The following PLA2G12B variants were observed in gnomAD, a reference collection of about 807,000 sequenced individuals.
PLA2G12B encodes group XIIB secretory phospholipase A2-like protein.
A neutral mutation model predicts 22.3 loss-of-function variants in PLA2G12B; 19 were observed. The observed-to-expected ratio is 0.85, with a 90% confidence interval of 0.60 to 1.25. PLA2G12B has a LOEUF of 1.25. PLA2G12B is among the 50% of genes most tolerant of loss of function. PLA2G12B has a pLI of 0.00. For synonymous variants in PLA2G12B, 81 were observed against 94.9 expected, an observed-to-expected ratio of 0.85 and a Z score of 0.85; for missense variants, 191 against 246.6, an observed-to-expected ratio of 0.77 and a Z score of 1.51.
chr10:72,939,921 G>T (rs1025226329), intron 3 of PLA2G12B, among the ~76,000 whole-genome samples: 1 of 152,224 alleles, frequency 6.6e-6, no homozygotes, highest in African/African-American at 2.4e-5. Context: ...TCCCAATGGT[G>T]ACTATCAATT....
In PLA2G12B at chr10:72,935,342, T is replaced by C. The variant is rs1328243175; in HGVS notation, c.*275A>G. The C allele has an allele frequency of 3.2e-6, 1 of 312,592 alleles. No individual in the cohort carries two copies. The highest frequency in any genetic ancestry group is 5.8e-6 in the Non-Finnish European group (1 of 171,234). The allele number at this position is 312,592 out of a possible 1,614,324, so 19.4% of individuals were successfully genotyped here. On this transcript the variant is annotated 3_prime_UTR_variant, in exon 4 of 4. Transcript: ENST00000373032. ...ATTGCAGGGTTTGCTTGCATTTTAG[T>C]CTTTAAGCTAAGAACTGAATTTCCA...
At chr10:72,940,595 C>T (rs770314303) in intron 3 of PLA2G12B, among the ~76,000 whole-genome samples, 6 of 152,012 alleles carry the variant, frequency 3.9e-5, no homozygotes, top group Admixed American at 6.6e-5. Flanking sequence ...TCGCTTGAAC[C>T]CGGAAAGCAG....
intron 1 of PLA2G12B, 28 bp downstream of exon 1, chr10:72,954,447 T>G: frequency 6.2e-7 from 1 of 1,614,018 alleles, no homozygotes; most frequent in Non-Finnish European, 8.5e-7. Context: ...AGCAACAGTT[T>G]TTACAGAAAG....
At chr10:72,939,655 C>A (rs1846330008) in intron 3 of PLA2G12B, among the ~76,000 whole-genome samples, 1 of 152,156 alleles carries the variant, frequency 6.6e-6, no homozygotes, top group African/African-American at 2.4e-5. Context: ...CAGAAAGGAA[C>A]CTGTGTTTTG....
intron 1 of PLA2G12B, among the ~76,000 whole-genome samples, chr10:72,952,873 T>A (rs1186287051): frequency 6.6e-6 from 1 of 152,250 alleles, no homozygotes; most frequent in Non-Finnish European, 1.5e-5. Flanking sequence ...TAAAATTTGC[T>A]TAAGTCTTTT....
At chr10:72,941,450 C>CG in intron 2 of PLA2G12B, 116 bp from the exon 3 acceptor site, 1 of 995,884 alleles carries the variant, frequency 1.0e-6, no homozygotes, top group Non-Finnish European at 1.5e-6. Flanking sequence ...ATTTCTGTTG[C>CG]ATATCCCGAT....
intron 3 of PLA2G12B, among the ~76,000 whole-genome samples, chr10:72,940,557 A>G (rs1385214137): frequency 1.3e-5 from 2 of 152,064 alleles, no homozygotes; most frequent in African/African-American, 4.8e-5. Context: ...CTGTAATCCC[A>G]GCTACGTGGG....
intron 1 of PLA2G12B, among the ~76,000 whole-genome samples, chr10:72,951,871 G>T (rs1214370430): frequency 1.3e-5 from 2 of 152,154 alleles, no homozygotes; most frequent in African/African-American, 4.8e-5. Context: ...GTTGGCATGA[G>T]AACAAATTAC....
At position 72,954,772 on chromosome 10, in the gene PLA2G12B, A is replaced by C. The variant is rs1222760543; in HGVS notation, c.-87T>G. 2.9e-6 allele frequency: 4 copies of C among 1,381,166 alleles called. No homozygotes were observed. The highest frequency in any genetic ancestry group is 4.0e-6 in the Non-Finnish European group (4 of 997,672). The allele number at this position is 1,381,166 out of a possible 1,614,324, so 85.6% of individuals were successfully genotyped here. A position where few individuals can be genotyped will look rare whatever the true frequency, so the allele number is the denominator to read the frequency against. On this transcript the variant is annotated 5_prime_UTR_variant, in exon 1 of 4. Coordinates refer to ENST00000373032, the MANE Select transcript of PLA2G12B (RefSeq NM_032562.5). Reference sequence around the variant, plus strand: ...GGGACAAACCCCCTACCCAGATGTCAGGCAGGACTGGGAAAGGGATTATCT... The same window carrying C: ...GGGACAAACCCCCTACCCAGATGTCCGGCAGGACTGGGAAAGGGATTATCT...
At chr10:72,949,929 A>G (rs781736836) in intron 1 of PLA2G12B, among the ~76,000 whole-genome samples, 3 of 152,186 alleles carry the variant, frequency 2.0e-5, no homozygotes, top group Non-Finnish European at 4.4e-5. Flanking sequence ...GTGAGCCGAG[A>G]TAGTACCACT....
At chr10:72,953,400 T>C (rs1442654092) in intron 1 of PLA2G12B, among the ~76,000 whole-genome samples, 1 of 152,200 alleles carries the variant, frequency 6.6e-6, no homozygotes. Flanking sequence ...ATGTAGTTTT[T>C]TTGTGCATCT....
intron 3 of PLA2G12B, among the ~76,000 whole-genome samples, chr10:72,938,426 C>T (rs1846312038): frequency 6.6e-6 from 1 of 151,476 alleles, no homozygotes; most frequent in African/African-American, 2.4e-5. Flanking sequence ...ATCTTATATA[C>T]AAAAAAGCCT....
At chr10:72,936,061 C>A (rs537031663) in intron 3 of PLA2G12B, among the ~76,000 whole-genome samples, 2 of 152,276 alleles carry the variant, frequency 1.3e-5, no homozygotes, top group East Asian at 1.9e-4. Context: ...TTTCCCATAG[C>A]TTTCCCATCT....
chr10:72,954,572 G>A lies in PLA2G12B; in HGVS notation c.114C>T (p.His38=). Residue 38 remains histidine, a synonymous_variant, in exon 1 of 4, where the codon CAC becomes CAT. Coordinates refer to ENST00000373032, the MANE Select transcript of PLA2G12B (RefSeq NM_032562.5). ...TGACGGATTCAAAGCTTCCCCGGAG[G>A]TGCCGAAGGCCCCAGTCTGAATAGG... is the stretch of plus-strand genomic sequence containing the variant. ...EESYSDWGLR[H]LRGSFESVNS... 6.2e-7 allele frequency: 1 copy of A among 1,614,184 alleles called. No homozygotes were observed. Among genetic ancestry groups the A allele is most frequent in the Non-Finnish European group, 8.5e-7 (1 of 1,180,038 alleles).
chr10:72,942,601 T>C, intron 2 of PLA2G12B, 51 bp downstream of exon 2: 3 of 1,400,232 alleles, frequency 2.1e-6, no homozygotes, highest in Non-Finnish European at 2.9e-6. Flanking sequence ...ACTCTAGGAT[T>C]GCTCTCAGTC....
chr10:72,942,638 C>T lies in PLA2G12B; in HGVS notation c.300+14G>A, dbSNP rs541587691. On this transcript the variant is annotated intron_variant, in intron 2 of 3. Transcript: ENST00000373032. ...AAACCAACCAACCAAGAAGGTAATG[C>T]TGGCAGTACATACACTTTCTGGTAC... is the stretch of plus-strand genomic sequence containing the variant. The T allele has an allele frequency of 2.5e-6, 4 of 1,579,618 alleles. No individual in the cohort carries two copies. The highest frequency in any genetic ancestry group is 2.0e-4 in the Middle Eastern group (1 of 5,006).
intron 1 of PLA2G12B, among the ~76,000 whole-genome samples, chr10:72,952,741 T>C (rs1846551807): frequency 6.6e-6 from 1 of 152,166 alleles, no homozygotes. Flanking sequence ...TTCAGGCCCC[T>C]CTTTGAGCAG....
At chr10:72,949,847 A>C (rs1846499828) in intron 1 of PLA2G12B, among the ~76,000 whole-genome samples, 3 of 152,166 alleles carry the variant, frequency 2.0e-5, no homozygotes, top group Non-Finnish European at 4.4e-5. Flanking sequence ...GTGGTGGCGC[A>C]TGCCTGTAAT....
rs1186148754 is a variant in PLA2G12B at position 72,935,426 on chromosome 10, T to C, written c.*191A>G. 1 of 784,550 alleles carries C rather than the reference T, an allele frequency of 1.3e-6. No homozygotes were observed. Among genetic ancestry groups the C allele is most frequent in the Non-Finnish European group, 2.0e-6 (1 of 507,484 alleles). 48.6% of individuals were successfully genotyped at this position (784,550 alleles called of 1,614,324 possible). ...AAATGAAGAGTAGCTTTCAAACCAC[T>C]CCATGTCTTTTTTCAAATTTCCTCA... On this transcript the variant is annotated 3_prime_UTR_variant, in exon 4 of 4. Coordinates refer to ENST00000373032, the MANE Select transcript of PLA2G12B (RefSeq NM_032562.5).
Sources: allele counts gnomAD v4.1 joint callset (sites outside exome capture counted in the v4.1 genomes callset), GRCh38; gene constraint gnomAD v4.1.1; transcripts MANE v1.5; gene names NCBI Gene and HGNC (gene_info 2026-07-23, HGNC 2026-07-21).